Variants in MINDY4 observed in about 807,000 individuals in gnomAD.
The protein encoded by MINDY4 is MINDY lysine 48 deubiquitinase 4.
A neutral mutation model predicts 87.0 loss-of-function variants in MINDY4; 68 were observed. That is an observed-to-expected ratio of 0.78 (90% confidence interval 0.64 to 0.96). MINDY4 has a LOEUF of 0.96. MINDY4 is among the 40% of genes least tolerant of loss of function. MINDY4 has a pLI of 0.00. For missense variants in MINDY4, 919 were observed against 928.2 expected, an observed-to-expected ratio of 0.99 and a Z score of 0.13; for synonymous variants, 379 against 363.2, an observed-to-expected ratio of 1.04 and a Z score of -0.50.
Position 30,828,757 on chromosome 7 carries a change from CTG to C in MINDY4, c.1132+23_1132+24del. The C allele has an allele frequency of 6.2e-7, 1 of 1,610,396 alleles. No homozygotes were observed. The highest frequency in any genetic ancestry group is 8.5e-7 in the Non-Finnish European group (1 of 1,179,884). On this transcript the variant is annotated intron_variant, in intron 6 of 17. Transcript: ENST00000265299. ...GGCTCGGTAGGTGCAGCGGGTGCCT[CTG>C]TGCTGTGCCCATCAGGGCCCAAGGG...
intron 5 of MINDY4, among the ~76,000 whole-genome samples, chr7:30,792,575 GTTTTGGCAAGTTGTATTT>G (rs1173019976): frequency 6.6e-6 from 1 of 152,132 alleles, no homozygotes; most frequent in Non-Finnish European, 1.5e-5. Context: ...TCTTGTGTAA[GTTTTGGCAAGTTGTATTT>G]TTTCAAAGAG....
chr7:30,822,158 ATTTCTTTC>A (rs200549607), intron 5 of MINDY4, among the ~76,000 whole-genome samples: 57 of 150,974 alleles, frequency 3.8e-4, no homozygotes, highest in African/African-American at 1.3e-3. Context: ...TACCCACAAA[ATTTCTTTC>A]TTTCTTTCTT....
At position 30,875,597 on chromosome 7, in the gene MINDY4, A is replaced by G. The variant is rs201918244; in HGVS notation, c.1912A>G (p.Ile638Val). 61 of 1,614,176 alleles carry G rather than the reference A, an allele frequency of 3.8e-5. No homozygotes were observed. The African/African-American group carries it at 5.9e-4, about 16-fold the overall frequency. Reference protein sequence around the residue: ...GDGNITLLRGIAARSDIGFLS... With the variant: ...GDGNITLLRGVAARSDIGFLS... ...TGGGAACATCACACTTCTCAGAGGC[A>G]TTGCTGCACGCAGTGATATTGGCTT... The change falls in exon 15 of 18, where the codon ATT (isoleucine) becomes GTT (valine). Residue 638 changes from isoleucine to valine, a missense_variant. Physicochemically the swap from Ile to Val is conservative, Grantham distance 29. Coordinates refer to ENST00000265299, the MANE Select transcript of MINDY4 (RefSeq NM_032222.3).
intron 15 of MINDY4, 55 bp downstream of exon 15, chr7:30,875,711 T>C: frequency 2.6e-6 from 4 of 1,543,150 alleles, no homozygotes; most frequent in Non-Finnish European, 3.5e-6. Context: ...TCTGGAGCAA[T>C]GAGGAGGGAA....
chr7:30,860,877 C>A (rs1275188542), intron 13 of MINDY4, among the ~76,000 whole-genome samples: 1 of 152,194 alleles, frequency 6.6e-6, no homozygotes, highest in Non-Finnish European at 1.5e-5. Flanking sequence ...GTGGGGAATG[C>A]TGCCCTGCTG....
At chr7:30,783,355 GA>G (rs1480686922) in intron 3 of MINDY4, among the ~76,000 whole-genome samples, 1 of 152,048 alleles carries the variant, frequency 6.6e-6, no homozygotes, top group African/African-American at 2.4e-5. Flanking sequence ...GGGCCCACCA[GA>G]TAATCCCATT....
At chr7:30,842,065 G>A (rs1697869660) in intron 9 of MINDY4, among the ~76,000 whole-genome samples, 1 of 152,184 alleles carries the variant, frequency 6.6e-6, no homozygotes, top group African/African-American at 2.4e-5. Context: ...TTTTTCCTTA[G>A]TTAGGGTTCA....
At position 30,828,603 on chromosome 7, in the gene MINDY4, G is replaced by A. The variant is rs1788592645; in HGVS notation, c.1074-76G>A. On this transcript the variant is annotated intron_variant, in intron 5 of 17. Transcript: ENST00000265299. ...CTTGTCTCCTGAATGCCTATCCATC[G>A]CTCTTAACAGTCTTCTCTGCCGTTT... 6 of 1,464,148 alleles carry A rather than the reference G, an allele frequency of 4.1e-6. No homozygotes were observed. In the South Asian group the frequency reaches 5.7e-5, roughly 14 times the overall value. 90.7% of individuals were successfully genotyped at this position (1,464,148 alleles called of 1,614,324 possible).
At chr7:30,842,180 C>T (rs1028655051) in intron 9 of MINDY4, among the ~76,000 whole-genome samples, 1 of 152,190 alleles carries the variant, frequency 6.6e-6, no homozygotes, top group Non-Finnish European at 1.5e-5. Context: ...TAATCAGAAG[C>T]ACAGCAATGT....
At chr7:30,880,792 C>T (rs1202244723) in intron 15 of MINDY4, among the ~76,000 whole-genome samples, 6 of 152,100 alleles carry the variant, frequency 3.9e-5, no homozygotes, top group Admixed American at 2.6e-4. Flanking sequence ...GGTGAGGCTT[C>T]GGTGTGGGGG....
chr7:30,887,631 C>T (rs1370354886), intron 17 of MINDY4, among the ~76,000 whole-genome samples: 1 of 152,204 alleles, frequency 6.6e-6, no homozygotes, highest in Non-Finnish European at 1.5e-5. Flanking sequence ...CGGGGCCACT[C>T]CCTAAGCAGG....
intron 5 of MINDY4, among the ~76,000 whole-genome samples, chr7:30,793,282 C>A (rs1041375547): frequency 1.3e-5 from 2 of 151,026 alleles, no homozygotes; most frequent in South Asian, 2.1e-4. Flanking sequence ...TAAATCCAGT[C>A]GATAATTTTT....
intron 13 of MINDY4, among the ~76,000 whole-genome samples, chr7:30,862,154 C>T (rs1789785462): frequency 6.6e-6 from 1 of 152,238 alleles, no homozygotes; most frequent in Admixed American, 6.5e-5. Flanking sequence ...CTGACTGTTG[C>T]ATGCTTCCCC....
At chr7:30,876,546 T>A (rs1336268225) in intron 15 of MINDY4, among the ~76,000 whole-genome samples, 3 of 152,144 alleles carry the variant, frequency 2.0e-5, no homozygotes, top group Admixed American at 1.3e-4. Flanking sequence ...GGCCCCCAGG[T>A]AAAGCTGGAT....
At position 30,882,374 on chromosome 7, in the gene MINDY4, A is replaced by AGCCCCCCGC; in HGVS notation, c.2152+13_2152+14insGCCCCCCGC. The AGCCCCCCGC allele has an allele frequency of 7.0e-7, 1 of 1,420,806 alleles. No homozygotes were observed. The highest frequency in any genetic ancestry group is 9.4e-7 in the Non-Finnish European group (1 of 1,061,596). The allele number at this position is 1,420,806 out of a possible 1,614,324, so 88.0% of individuals were successfully genotyped here. A position where few individuals can be genotyped will look rare whatever the true frequency, so the allele number is the denominator to read the frequency against. ...CGGCTGACCATTGGTGCGGGCCCTC[A>AGCCCCCCGC]CCCCCCCACCCACCCAACCCTGTCC... On this transcript the variant is annotated intron_variant, in intron 16 of 17. Coordinates refer to ENST00000265299, the MANE Select transcript of MINDY4 (RefSeq NM_032222.3).
chr7:30,868,653 A>G (rs1790010381), intron 13 of MINDY4, among the ~76,000 whole-genome samples: 1 of 152,204 alleles, frequency 6.6e-6, no homozygotes, highest in African/African-American at 2.4e-5. Context: ...GAGCCTTGCA[A>G]ACTCTCCCAG....
chr7:30,876,790 G>A (rs1584348392), intron 15 of MINDY4, among the ~76,000 whole-genome samples: 1 of 152,198 alleles, frequency 6.6e-6, no homozygotes, highest in African/African-American at 2.4e-5. Context: ...TTCTTGGAGG[G>A]TCCGGATGAG....
At chr7:30,796,231 C>G (rs539655953) in intron 5 of MINDY4, among the ~76,000 whole-genome samples, 1 of 152,172 alleles carries the variant, frequency 6.6e-6, no homozygotes, top group East Asian at 1.9e-4. Flanking sequence ...TTCCCCCTGT[C>G]TCACTGTCAC....
In MINDY4 at chr7:30,859,360, G is replaced by T. The variant is rs199732745; in HGVS notation, c.1745+36G>T. 1.6e-5 allele frequency: 25 copies of T among 1,602,298 alleles called. No homozygotes were observed. The African/African-American group carries it at 2.4e-4, about 15-fold the overall frequency. On this transcript the variant is annotated intron_variant, in intron 13 of 17. Transcript: ENST00000265299. ...TTCTCCCTCAACTCCCTGGGGCTGG[G>T]CTGGTCTGTCTTGTTCACTGCTGCC...
Sources: allele counts gnomAD v4.1 joint callset (sites outside exome capture counted in the v4.1 genomes callset), GRCh38; gene constraint gnomAD v4.1.1; transcripts MANE v1.5; gene names NCBI Gene and HGNC (gene_info 2026-07-23, HGNC 2026-07-21).